The following CLDN1 variants were observed in gnomAD, a reference collection of about 807,000 sequenced individuals.
CLDN1 encodes the protein claudin-1.
CLDN1 carries 12 observed loss-of-function variants against 22.6 expected under a neutral mutation model. That is an observed-to-expected ratio of 0.53 (90% confidence interval 0.34 to 0.86). The LOEUF (loss-of-function observed/expected upper bound fraction) is 0.86, where lower values mean the gene tolerates loss of function less well. Among genes scored for constraint, CLDN1 ranks in the 40% least tolerant of loss-of-function variants. CLDN1 has a pLI of 0.02. For synonymous variants in CLDN1, 99 were observed against 103.8 expected (o/e 0.95, Z 0.28); for missense variants, 250 against 269.5 (o/e 0.93, Z 0.51).
chr3:190,311,147 T>C (rs1716606030), intron 2 of CLDN1, among the ~76,000 whole-genome samples: 2 of 152,258 alleles, frequency 1.3e-5, no homozygotes, highest in Non-Finnish European at 2.9e-5. Flanking sequence ...CGAATGGTCT[T>C]GAACTTGTGA....
At chr3:190,311,240 A>T (rs1458745817) in intron 2 of CLDN1, among the ~76,000 whole-genome samples, 1 of 152,256 alleles carries the variant, frequency 6.6e-6, no homozygotes, top group Non-Finnish European at 1.5e-5. Flanking sequence ...CAAGCGAAGG[A>T]AGAATGCAAT....
intron 1 of CLDN1, 90 bp downstream of exon 1, chr3:190,321,894 C>T: frequency 1.1e-6 from 1 of 939,166 alleles, no homozygotes; most frequent in Non-Finnish European, 1.7e-6. Context: ...GACTGATAAC[C>T]ATGGAATCAC....
chr3:190,320,072 GT>G (rs1716878051), intron 1 of CLDN1, among the ~76,000 whole-genome samples: 1 of 144,632 alleles, frequency 6.9e-6, no homozygotes, highest in South Asian at 2.2e-4. Context: ...TAAAGTGTGT[GT>G]GGGGGGGTAG....
chr3:190,312,727 G>T, intron 2 of CLDN1, 145 bp downstream of exon 2: 2 of 861,314 alleles, frequency 2.3e-6, no homozygotes, highest in Non-Finnish European at 1.9e-6. Flanking sequence ...TTGTGTTTGA[G>T]AACATGAAAG....
chr3:190,316,853 A>G (rs1487724936), intron 1 of CLDN1, among the ~76,000 whole-genome samples: 1 of 152,188 alleles, frequency 6.6e-6, no homozygotes, highest in Non-Finnish European at 1.5e-5. Context: ...ACTGAGAAAT[A>G]CCTCCCTTGA....
At chr3:190,312,606 T>C (rs528969920) in intron 2 of CLDN1, among the ~76,000 whole-genome samples, 1 of 152,324 alleles carries the variant, frequency 6.6e-6, no homozygotes, top group African/African-American at 2.4e-5. Flanking sequence ...TGCTAAATAG[T>C]GAACAACTTT....
chr3:190,315,646 T>G (rs1716745831), intron 1 of CLDN1, among the ~76,000 whole-genome samples: 1 of 152,246 alleles, frequency 6.6e-6, no homozygotes, highest in Admixed American at 6.5e-5. Context: ...ATACTCTTTT[T>G]CAACCTTTTA....
chr3:190,315,573 C>G (rs1382013409), intron 1 of CLDN1, among the ~76,000 whole-genome samples: 1 of 152,116 alleles, frequency 6.6e-6, no homozygotes, highest in Non-Finnish European at 1.5e-5. Flanking sequence ...ATTTCTATGA[C>G]AGCACTTCAA....
chr3:190,319,113 A>G (rs976513189), intron 1 of CLDN1, among the ~76,000 whole-genome samples: 15 of 152,102 alleles, frequency 9.9e-5, no homozygotes, highest in Admixed American at 9.2e-4. Context: ...CAGCAACTCA[A>G]TCTTTGGACA....
chr3:190,317,524 G>A (rs1716802377), intron 1 of CLDN1, among the ~76,000 whole-genome samples: 1 of 152,182 alleles, frequency 6.6e-6, no homozygotes, highest in Non-Finnish European at 1.5e-5. Flanking sequence ...AGACATATAT[G>A]TAATTTTTCT....
intron 1 of CLDN1, among the ~76,000 whole-genome samples, chr3:190,314,558 CT>C (rs1325261579): frequency 4.6e-5 from 6 of 131,204 alleles, no homozygotes; most frequent in African/African-American, 2.1e-4. Flanking sequence ...CCATGCCTGG[CT>C]AAATTTTTTT....
In CLDN1 at chr3:190,307,329, A is replaced by G. The variant is rs528044643; in HGVS notation, c.*948T>C. On this transcript the variant is annotated 3_prime_UTR_variant, in exon 4 of 4. Coordinates refer to ENST00000295522, the MANE Select transcript of CLDN1 (RefSeq NM_021101.5). Reference sequence around the variant, plus strand: ...TACAATTAAGGAATGGGGAACAAAAAGGTAGTTTAGGGGGATATAAAACTA... The same window carrying G: ...TACAATTAAGGAATGGGGAACAAAAGGGTAGTTTAGGGGGATATAAAACTA... 6.6e-6 allele frequency: 1 copy of G among 152,344 alleles called. No individual in the cohort carries two copies. The highest frequency in any genetic ancestry group is 6.5e-5 in the Admixed American group (1 of 15,296). The allele number at this position is 152,344 out of a possible 1,614,324, so 9.4% of individuals were successfully genotyped here. A position where few individuals can be genotyped will look rare whatever the true frequency, so the allele number is the denominator to read the frequency against.
intron 1 of CLDN1, among the ~76,000 whole-genome samples, chr3:190,317,938 T>C (rs11714251): frequency 6.6e-6 from 1 of 152,248 alleles, no homozygotes. Flanking sequence ...ATTAAGTGAA[T>C]AAATGAACTG....
chr3:190,314,245 C>G (rs1312896823), intron 1 of CLDN1, among the ~76,000 whole-genome samples: 1 of 152,084 alleles, frequency 6.6e-6, no homozygotes, highest in Non-Finnish European at 1.5e-5. Context: ...CTAATCAGGC[C>G]TAGGCTTAGT....
chr3:190,322,302 C>G lies in CLDN1; in HGVS notation c.-96G>C. On this transcript the variant is annotated 5_prime_UTR_variant, in exon 1 of 4. Coordinates refer to ENST00000295522, the MANE Select transcript of CLDN1 (RefSeq NM_021101.5). The stretch of plus-strand genomic sequence containing the variant: ...CCCGGACTCCCGAAGGTGGCTGGGC[C>G]CCGCGGAGGAAGTTAAGGCGGGGAG... The G allele has an allele frequency of 1.8e-6, 2 of 1,118,460 alleles. No individual in the cohort carries two copies. The highest frequency in any genetic ancestry group is 3.9e-5 in the Admixed American group (2 of 51,948). 69.3% of individuals were successfully genotyped at this position (1,118,460 alleles called of 1,614,324 possible). A position where few individuals can be genotyped will look rare whatever the true frequency, so the allele number is the denominator to read the frequency against.
intron 1 of CLDN1, among the ~76,000 whole-genome samples, chr3:190,320,314 C>T (rs916657339): frequency 7.2e-5 from 11 of 152,290 alleles, no homozygotes; most frequent in Admixed American, 2.6e-4. Flanking sequence ...AGTGAGACCT[C>T]TCTGGAATTG....
intron 1 of CLDN1, among the ~76,000 whole-genome samples, chr3:190,320,158 A>G (rs1256392158): frequency 6.6e-6 from 1 of 152,262 alleles, no homozygotes; most frequent in East Asian, 1.9e-4. Flanking sequence ...AAAACATTTT[A>G]ACACATTATC....
At chr3:190,309,750 T>C (rs878920425) in intron 3 of CLDN1, among the ~76,000 whole-genome samples, 3 of 152,230 alleles carry the variant, frequency 2.0e-5, no homozygotes, top group Admixed American at 2.0e-4. Flanking sequence ...TGAAGTATTA[T>C]TCATTAACCC....
intron 2 of CLDN1, among the ~76,000 whole-genome samples, chr3:190,312,023 C>T (rs943679646): frequency 7.9e-5 from 12 of 151,774 alleles, no homozygotes; most frequent in East Asian, 5.8e-4. Context: ...TCTCGGCTCC[C>T]GAGTTGAGGT....
Sources: allele counts gnomAD v4.1 joint callset (sites outside exome capture counted in the v4.1 genomes callset), GRCh38; gene constraint gnomAD v4.1.1; transcripts MANE v1.5; gene names NCBI Gene and HGNC (gene_info 2026-07-23, HGNC 2026-07-21).